Variants in TBXAS1 observed in about 807,000 individuals in gnomAD.
TBXAS1 encodes the protein thromboxane-A synthase.
A neutral mutation model predicts 60.7 loss-of-function variants in TBXAS1; 48 were observed. That is an observed-to-expected ratio of 0.79 (90% CI 0.63 to 1.01). The LOEUF is 1.01. Among genes scored for constraint, TBXAS1 ranks in the 50% least tolerant of loss-of-function variants. TBXAS1 has a pLI of 0.00. For synonymous variants in TBXAS1, 287 were observed against 269.7 expected (o/e 1.06, Z -0.63); for missense variants, 685 against 686.3 (o/e 1.00, Z 0.02).
intron 4 of TBXAS1, among the ~76,000 whole-genome samples, chr7:139,822,806 T>C (rs558717826): frequency 2.2e-4 from 34 of 152,260 alleles, no homozygotes; most frequent in African/African-American, 7.9e-4. Context: ...CACTGCCTTA[T>C]TCAGGCTGTC....
At chr7:139,885,103 G>A (rs1389643444) in intron 3 of TBXAS1, among the ~76,000 whole-genome samples, 3 of 152,136 alleles carry the variant, frequency 2.0e-5, no homozygotes, top group South Asian at 2.1e-4. Context: ...CGGCTGGAGC[G>A]TCAGCCACAG....
chr7:139,905,031 C>CTTTCTTTA (rs1569511421), intron 3 of TBXAS1, among the ~76,000 whole-genome samples: 3 of 84,900 alleles, frequency 3.5e-5, no homozygotes, highest in Non-Finnish European at 6.8e-5. Flanking sequence ...TTCTTTCTTT[C>CTTTCTTTA]TTTCTTTCTT....
intron 4 of TBXAS1, among the ~76,000 whole-genome samples, chr7:139,923,640 T>C (rs575875241): frequency 5.3e-5 from 8 of 152,166 alleles, no homozygotes. Flanking sequence ...ATTATAATCA[T>C]TTATTTTTTT....
intron 10 of TBXAS1, among the ~76,000 whole-genome samples, chr7:140,010,859 A>C (rs1206267518): frequency 7.2e-5 from 11 of 152,148 alleles, no homozygotes; most frequent in African/African-American, 2.7e-4. Flanking sequence ...CATTTCCTTT[A>C]GGATATTTAG....
intron 1 of TBXAS1, among the ~76,000 whole-genome samples, chr7:139,834,083 T>A (rs1356218137): frequency 6.6e-6 from 1 of 152,266 alleles, no homozygotes; most frequent in South Asian, 2.1e-4. Context: ...TCAATAAATT[T>A]AAGAAAATTG....
chr7:139,926,328 C>T (rs1444748400), intron 4 of TBXAS1, among the ~76,000 whole-genome samples: 1 of 152,082 alleles, frequency 6.6e-6, no homozygotes, highest in African/African-American at 2.4e-5. Context: ...GATTTCATTA[C>T]TTGTTATTGA....
chr7:139,839,960 G>C (rs1799324351), intron 1 of TBXAS1, among the ~76,000 whole-genome samples: 2 of 146,200 alleles, frequency 1.4e-5, no homozygotes, highest in South Asian at 4.5e-4. Context: ...CTCCAGCCTG[G>C]GCAACAAGAG....
intron 3 of TBXAS1, chr7:139,906,111 A>G (rs750353284): frequency 5.0e-5 from 20 of 399,686 alleles, no homozygotes; most frequent in South Asian, 3.6e-4. Context: ...TCTGTAGTGC[A>G]GTGGCTTGAT....
intron 4 of TBXAS1, among the ~76,000 whole-genome samples, chr7:139,808,844 A>G (rs968505331): frequency 6.6e-6 from 1 of 152,156 alleles, no homozygotes; most frequent in South Asian, 2.1e-4. Flanking sequence ...AACATAGTAC[A>G]CATTTGGTGA....
chr7:140,014,807 G>A (rs6948521), intron 10 of TBXAS1, among the ~76,000 whole-genome samples: 42,547 of 151,524 alleles, frequency 0.28, 6,544 homozygotes, highest in East Asian at 0.54. Flanking sequence ...TGAGCTACTC[G>A]GGAGGCTGAG....
Position 140,019,016 on chromosome 7 carries a change from T to A in TBXAS1, c.1528-1009T>A, listed in dbSNP as rs1237390606. ...CCACTGCTGTCCCCTGCACCTATCC[T>A]CATGCTTGTCCTGCCACCCGGAACC... On this transcript the variant is annotated intron_variant, in intron 12 of 12. Coordinates refer to ENST00000448866, the MANE Select transcript of TBXAS1 (RefSeq NM_001061.7). Among the ~76,000 whole-genome samples, 7 of 152,248 alleles carry A rather than the reference T, an allele frequency of 4.6e-5. No homozygotes were observed. In the East Asian group the frequency reaches 1.4e-3, roughly 29 times the overall value.
chr7:139,783,879 C>T (rs936852569), intron 3 of TBXAS1, among the ~76,000 whole-genome samples: 1 of 152,076 alleles, frequency 6.6e-6, no homozygotes, highest in Admixed American at 6.6e-5. Flanking sequence ...AATCGCATGC[C>T]CTTTCTTAGC....
At chr7:139,871,838 A>G (rs534261557) in intron 1 of TBXAS1, among the ~76,000 whole-genome samples, 10 of 152,276 alleles carry the variant, frequency 6.6e-5, no homozygotes, top group African/African-American at 2.4e-4. Context: ...AGCTTTTGCC[A>G]TTGTTAGTTT....
At chr7:139,824,499 T>G (rs1798384316), upstream of TBXAS1, among the ~76,000 whole-genome samples, 1 of 152,242 alleles carries the variant, frequency 6.6e-6, no homozygotes, top group South Asian at 2.1e-4. Flanking sequence ...ACAACTCGAA[T>G]GCTGTTTAGC....
At chr7:139,804,731 A>C (rs1379059989) in intron 4 of TBXAS1, among the ~76,000 whole-genome samples, 1 of 152,146 alleles carries the variant, frequency 6.6e-6, no homozygotes, top group Non-Finnish European at 1.5e-5. Context: ...CAGTTCCCCT[A>C]CATATACTCA....
intron 10 of TBXAS1, 58 bp from the exon 11 acceptor site, chr7:140,015,665 C>G: frequency 1.2e-6 from 2 of 1,602,788 alleles, no homozygotes; most frequent in South Asian, 2.2e-5. Flanking sequence ...CCAGCACGCC[C>G]CAAGCTCTGC....
chr7:139,842,224 T>G (rs186040497), intron 1 of TBXAS1, among the ~76,000 whole-genome samples: 1 of 152,304 alleles, frequency 6.6e-6, no homozygotes, highest in Non-Finnish European at 1.5e-5. Context: ...GAATTCAGGC[T>G]TCTGGTAGCA....
chr7:139,782,585 C>T (rs1326428749), intron 2 of TBXAS1: 3 of 152,134 alleles, frequency 2.0e-5, no homozygotes, highest in Non-Finnish European at 4.4e-5. Flanking sequence ...CTCTCTTACT[C>T]TCAGGGTATT....
intron 9 of TBXAS1, among the ~76,000 whole-genome samples, chr7:139,995,234 T>G (rs1308732403): frequency 6.6e-6 from 1 of 152,148 alleles, no homozygotes; most frequent in Non-Finnish European, 1.5e-5. Context: ...GCAGTTGCTT[T>G]TAGGCCAGTG....
Sources: gnomAD v4.1 joint callset for allele counts (sites outside exome capture counted in the v4.1 genomes callset) on GRCh38, gnomAD v4.1.1 for gene constraint, MANE v1.5 for transcripts, NCBI Gene and HGNC (gene_info 2026-07-23, HGNC 2026-07-21) for gene names.